The following RYR2 variants were observed in gnomAD, a reference collection of about 807,000 sequenced individuals.
RYR2 encodes cardiac muscle ryanodine receptor-calcium release channel.
Under a neutral mutation model 601.1 loss-of-function variants are expected in RYR2, and 227 were observed. That is an observed-to-expected ratio of 0.38 (90% CI 0.34 to 0.42). The LOEUF (loss-of-function observed/expected upper bound fraction) is 0.42. RYR2 is among the 10% of genes least tolerant of loss of function. RYR2 has a pLI of 1.00. For missense variants in RYR2, 4,646 were observed against 6,156.5 expected (o/e 0.75, Z 8.21); for synonymous variants, 2,223 against 2,175.1 (o/e 1.02, Z -0.61).
chr1:237,350,098 T>A (rs1449347387), intron 3 of RYR2, among the ~76,000 whole-genome samples: 1 of 152,116 alleles, frequency 6.6e-6, no homozygotes, highest in Non-Finnish European at 1.5e-5. Flanking sequence ...TAAAACTAAA[T>A]GTTAATTGAC....
intron 25 of RYR2, among the ~76,000 whole-genome samples, chr1:237,542,407 A>G (rs920146993): frequency 6.6e-6 from 1 of 152,182 alleles, no homozygotes; most frequent in Non-Finnish European, 1.5e-5. Context: ...CTGAATGAAT[A>G]TTTGACGGTG....
At chr1:237,693,920 T>C (rs1687172573) in intron 63 of RYR2, among the ~76,000 whole-genome samples, 1 of 152,212 alleles carries the variant, frequency 6.6e-6, no homozygotes, top group South Asian at 2.1e-4. Flanking sequence ...TCTCAGAAGT[T>C]ATTATATTAG....
chr1:237,725,157 T>A (rs936761641), intron 74 of RYR2, among the ~76,000 whole-genome samples: 2 of 152,092 alleles, frequency 1.3e-5, no homozygotes, highest in African/African-American at 2.4e-5. Context: ...AATGTAGATA[T>A]GAAGTAGGTA....
At chr1:237,605,842 TAGGAATCCA>T (rs1677063238) in intron 35 of RYR2, among the ~76,000 whole-genome samples, 1 of 151,776 alleles carries the variant, frequency 6.6e-6, no homozygotes, top group South Asian at 2.1e-4. Flanking sequence ...ATAAAATACC[TAGGAATCCA>T]ACTTACAAGG....
chr1:237,269,040 T>C (rs1689402619), intron 1 of RYR2, among the ~76,000 whole-genome samples: 1 of 70,986 alleles, frequency 1.4e-5, no homozygotes, highest in Non-Finnish European at 2.9e-5. Flanking sequence ...ATATAGCATA[T>C]TCTTTTTTTT....
At chr1:237,449,590 T>C (rs1372682588) in intron 14 of RYR2, among the ~76,000 whole-genome samples, 2 of 150,676 alleles carry the variant, frequency 1.3e-5, no homozygotes, top group African/African-American at 4.8e-5. Flanking sequence ...TGTGGATCTG[T>C]ATTTTCTTCA....
At chr1:237,352,033 AT>A (rs1558668647) in intron 3 of RYR2, among the ~76,000 whole-genome samples, 2 of 151,830 alleles carry the variant, frequency 1.3e-5, no homozygotes, top group Admixed American at 6.6e-5. Flanking sequence ...CCTTATTAAG[AT>A]AAAAAAATAT....
At chr1:237,633,253 A>G (rs1397591408) in intron 42 of RYR2, among the ~76,000 whole-genome samples, 4 of 152,228 alleles carry the variant, frequency 2.6e-5, no homozygotes, top group African/African-American at 9.6e-5. Context: ...AAGAGATTGC[A>G]TCATTTCCCA....
At chr1:237,228,921 A>G (rs1684683779) in intron 1 of RYR2, among the ~76,000 whole-genome samples, 1 of 152,154 alleles carries the variant, frequency 6.6e-6, no homozygotes, top group Non-Finnish European at 1.5e-5. Flanking sequence ...AAAAATAGGA[A>G]GAAAAATAGT....
chr1:237,455,060 G>A (rs1042916840), intron 15 of RYR2, among the ~76,000 whole-genome samples: 7 of 152,164 alleles, frequency 4.6e-5, no homozygotes, highest in African/African-American at 1.7e-4. Context: ...ACCCTACTTG[G>A]ACAGAGCAAC....
At chr1:237,609,865 A>G (rs578140402) in intron 35 of RYR2, among the ~76,000 whole-genome samples, 1 of 152,298 alleles carries the variant, frequency 6.6e-6, no homozygotes, top group Admixed American at 6.5e-5. Flanking sequence ...GAAAAATGGA[A>G]GCTATATGAG....
chr1:237,424,783 T>C (rs1013321005), intron 12 of RYR2, among the ~76,000 whole-genome samples: 7 of 152,222 alleles, frequency 4.6e-5, no homozygotes, highest in Admixed American at 3.3e-4. Context: ...AATCTTATAA[T>C]GGTGTCCTGT....
intron 8 of RYR2, 22 bp from the exon 9 acceptor site, chr1:237,387,259 C>T (rs1438707118): frequency 1.2e-6 from 2 of 1,610,048 alleles, no homozygotes; most frequent in African/African-American, 1.3e-5. Context: ...GAAGTGATGC[C>T]TCCTTTTGCC....
chr1:237,785,467 G>C (rs1361677944), intron 90 of RYR2, among the ~76,000 whole-genome samples: 1 of 152,142 alleles, frequency 6.6e-6, no homozygotes, highest in African/African-American at 2.4e-5. Flanking sequence ...GAATTCAAAG[G>C]TAAGATGGGG....
intron 29 of RYR2, among the ~76,000 whole-genome samples, chr1:237,586,699 T>C (rs894059224): frequency 1.3e-5 from 2 of 152,136 alleles, no homozygotes; most frequent in Non-Finnish European, 2.9e-5. Flanking sequence ...GATGGTACGC[T>C]ATTTCAGTAT....
At chr1:237,599,191 C>A (rs1310656022) in intron 34 of RYR2, among the ~76,000 whole-genome samples, 5 of 151,784 alleles carry the variant, frequency 3.3e-5, no homozygotes, top group Non-Finnish European at 7.4e-5. Context: ...AAGTTGAAAG[C>A]TTTTTTTTCT....
intron 15 of RYR2, among the ~76,000 whole-genome samples, chr1:237,455,467 A>G (rs941641163): frequency 5.3e-5 from 8 of 152,146 alleles, no homozygotes; most frequent in Non-Finnish European, 1.0e-4. Flanking sequence ...CCTATCAGGT[A>G]TTCTGCTCAC....
chr1:237,594,229 C>A (rs1304526882), intron 33 of RYR2, among the ~76,000 whole-genome samples: 1 of 152,166 alleles, frequency 6.6e-6, no homozygotes, highest in South Asian at 2.1e-4. Flanking sequence ...ATCTTCCTTG[C>A]AGAATAAGAC....
chr1:237,110,276 T>C (rs1036756149), intron 1 of RYR2, among the ~76,000 whole-genome samples: 4 of 152,060 alleles, frequency 2.6e-5, no homozygotes, highest in African/African-American at 9.7e-5. Context: ...CATTTTTTTT[T>C]TCTTTTTTTA....
Sources: gnomAD v4.1 joint callset for allele counts (sites outside exome capture counted in the v4.1 genomes callset) on GRCh38, gnomAD v4.1.1 for gene constraint, MANE v1.5 for transcripts, NCBI Gene and HGNC (gene_info 2026-07-23, HGNC 2026-07-21) for gene names.